The following WDR43 variants were observed in gnomAD, a reference collection of about 807,000 sequenced individuals.
WDR43 encodes the protein WD repeat domain 43.
Under a neutral mutation model 91.4 loss-of-function variants are expected in WDR43, and 13 were observed. That is an observed-to-expected ratio of 0.14 (90% confidence interval 0.09 to 0.23). The LOEUF (loss-of-function observed/expected upper bound fraction) is 0.23, where lower values mean the gene tolerates loss of function less well. Among genes scored for constraint, WDR43 ranks in the 10% least tolerant of loss-of-function variants. The probability of loss-of-function intolerance (pLI) is 1.00; values close to 1 mark genes in which losing one functional copy is unlikely to be tolerated. For synonymous variants in WDR43, 331 were observed against 287.9 expected (o/e 1.15, Z -1.51); for missense variants, 780 against 809.4 (o/e 0.96, Z 0.44).
chr2:28,898,135 A>G (rs1572577114), intron 1 of WDR43, among the ~76,000 whole-genome samples: 1 of 152,228 alleles, frequency 6.6e-6, no homozygotes, highest in African/African-American at 2.4e-5. Flanking sequence ...AAGTCTTCCG[A>G]CTTTTCTGCT....
intron 2 of WDR43, among the ~76,000 whole-genome samples, chr2:28,905,288 A>T (rs557278478): frequency 3.9e-5 from 6 of 152,244 alleles, no homozygotes; most frequent in South Asian, 2.1e-4. Flanking sequence ...TTAGCACCTC[A>T]TTCTGCTAAG....
chr2:28,945,584 A>C (rs1220147709), intron 16 of WDR43, among the ~76,000 whole-genome samples: 1 of 152,154 alleles, frequency 6.6e-6, no homozygotes, highest in Non-Finnish European at 1.5e-5. Context: ...CAGTTCCTTT[A>C]AACTGGATGT....
chr2:28,943,886 C>T (rs566661368), intron 16 of WDR43, among the ~76,000 whole-genome samples: 10 of 152,190 alleles, frequency 6.6e-5, no homozygotes, highest in African/African-American at 2.2e-4. Context: ...GGTGGGAGTA[C>T]ATGTGCATTC....
rs150841040 is a variant in WDR43, at chr2:28,902,411, T to G, written c.363+287T>G. Among the ~76,000 whole-genome samples, 924 of 152,290 alleles carry G rather than the reference T, an allele frequency of 6.1e-3. 10 individuals are homozygous for G. Among genetic ancestry groups the G allele is most frequent in the African/African-American group, 0.021 (861 of 41,564 alleles). ...ATAGATAGCAGCTGTGGAAAGCAGCTCCCCACCTCTTGACCTAGGGGAATA... is the reference window on the plus strand; with the variant it reads ...ATAGATAGCAGCTGTGGAAAGCAGCGCCCCACCTCTTGACCTAGGGGAATA... On this transcript the variant is annotated intron_variant, in intron 2 of 17. Coordinates refer to ENST00000407426, the MANE Select transcript of WDR43 (RefSeq NM_015131.3).
intron 2 of WDR43, among the ~76,000 whole-genome samples, chr2:28,902,559 G>T (rs1670597243): frequency 6.6e-6 from 1 of 152,218 alleles, no homozygotes; most frequent in Non-Finnish European, 1.5e-5. Flanking sequence ...CTGAGAAGGA[G>T]GCTCCAGCTG....
At chr2:28,928,358 C>A (rs895067275) in intron 10 of WDR43, among the ~76,000 whole-genome samples, 1 of 151,570 alleles carries the variant, frequency 6.6e-6, no homozygotes, top group Middle Eastern at 3.4e-3. Context: ...ATTTTAAATG[C>A]GTTTATTGGG....
rs1407878018 is a variant in WDR43 at position 28,927,455 on chromosome 2, TTA to T, written c.1174-110_1174-109del. On this transcript the variant is annotated intron_variant, in intron 9 of 17. Coordinates refer to ENST00000407426, the MANE Select transcript of WDR43 (RefSeq NM_015131.3). ...ATATCTTAAATTGATATCAAGTTAA[TTA>T]TATTGCATTTTTCCAATAGAGGAGC... 27 of 1,210,590 alleles carry T rather than the reference TTA, an allele frequency of 2.2e-5. No individual in the cohort carries two copies. The East Asian group carries it at 4.6e-4, about 21-fold the overall frequency. 75.0% of individuals were successfully genotyped at this position (1,210,590 alleles called of 1,614,324 possible). A position where few individuals can be genotyped will look rare whatever the true frequency, so the allele number is the denominator to read the frequency against.
chr2:28,942,052 A>AC (rs1671446892), intron 15 of WDR43, among the ~76,000 whole-genome samples: 1 of 152,162 alleles, frequency 6.6e-6, no homozygotes, highest in African/African-American at 2.4e-5. Context: ...TACAGTTAGT[A>AC]AGTTATAGGA....
chr2:28,911,771 A>G (rs1670805969), intron 3 of WDR43, among the ~76,000 whole-genome samples: 3 of 151,530 alleles, frequency 2.0e-5, no homozygotes, highest in African/African-American at 4.9e-5. Context: ...AGCTGGGACT[A>G]CTACACCATG....
rs965040165 is a variant in WDR43, at chr2:28,929,783, C to G, written c.1437+73C>G. On this transcript the variant is annotated intron_variant, in intron 11 of 17. Coordinates refer to ENST00000407426, the MANE Select transcript of WDR43 (RefSeq NM_015131.3). ...TAGAAAATGATTGACATAGCACATT[C>G]ACAGCTGTGAGCCATCATGTTACAG... The G allele has an allele frequency of 2.7e-6, 4 of 1,461,378 alleles. No individual in the cohort carries two copies. The African/African-American group carries it at 5.6e-5, about 21-fold the overall frequency. The allele number at this position is 1,461,378 out of a possible 1,614,324, so 90.5% of individuals were successfully genotyped here.
intron 11 of WDR43, among the ~76,000 whole-genome samples, chr2:28,934,290 A>G (rs912932605): frequency 1.3e-5 from 2 of 152,188 alleles, no homozygotes; most frequent in African/African-American, 4.8e-5. Context: ...GGAGGGATAC[A>G]TTTAAAGGGA....
Position 28,925,167 on chromosome 2 carries a change from A to C in WDR43, c.1086+14A>C. On this transcript the variant is annotated intron_variant, in intron 8 of 17. Transcript: ENST00000407426. The stretch of plus-strand genomic sequence containing the variant: ...ATTGAGCGAGTGGTACGTAGCTGCT[A>C]CTCTGGAGTAAAGCAATATAGCATC... 1 of 1,599,268 alleles carries C rather than the reference A, an allele frequency of 6.3e-7. No individual in the cohort carries two copies. The highest frequency in any genetic ancestry group is 1.1e-5 in the South Asian group (1 of 88,736).
intron 16 of WDR43, among the ~76,000 whole-genome samples, chr2:28,944,477 T>G (rs1671505923): frequency 6.6e-6 from 1 of 152,258 alleles, no homozygotes; most frequent in African/African-American, 2.4e-5. Flanking sequence ...ACAACATAGC[T>G]TTAAAACATA....
At chr2:28,895,028 C>A in intron 1 of WDR43, 105 bp downstream of exon 1, 1 of 1,218,082 alleles carries the variant, frequency 8.2e-7, no homozygotes, top group Non-Finnish European at 1.1e-6. Context: ...TCTCAGCGGC[C>A]CGGGCCAGAA....
intron 10 of WDR43, 29 bp from the exon 11 acceptor site, chr2:28,929,550 A>G (rs898022895): frequency 6.5e-7 from 1 of 1,531,476 alleles, no homozygotes; most frequent in African/African-American, 1.4e-5. Flanking sequence ...TTGTCTGGTA[A>G]CACATTAACA....
At chr2:28,941,818 C>T (rs1032839456) in intron 15 of WDR43, among the ~76,000 whole-genome samples, 1 of 152,064 alleles carries the variant, frequency 6.6e-6, no homozygotes, top group Non-Finnish European at 1.5e-5. Context: ...TGGTTTTGAA[C>T]TCCTAGGCTC....
chr2:28,907,254 G>A (rs983167065), intron 3 of WDR43, among the ~76,000 whole-genome samples: 1 of 152,270 alleles, frequency 6.6e-6, no homozygotes. Context: ...TCCTGCAGCT[G>A]CCAGAGAAGG....
Position 28,929,693 on chromosome 2 carries a change from G to A in WDR43, c.1420G>A (p.Asp474Asn), listed in dbSNP as rs768249711. Reference sequence around the variant, plus strand: ...TCTTACCCAGGGCTTAGAAAGTAACGATTTTGAAATGCTAAATGTAAGTAT... The same window carrying A: ...TCTTACCCAGGGCTTAGAAAGTAACAATTTTGAAATGCTAAATGTAAGTAT... ...VLLTQGLESN[D>N]FEMLNKVLQT... The change falls in exon 11 of 18, where the codon GAT becomes AAT. Residue 474 changes from aspartate (D) to asparagine (N), a missense_variant. By Grantham distance (23) the Asp-to-Asn change is conservative. Transcript: ENST00000407426. 6.2e-6 allele frequency: 10 copies of A among 1,612,574 alleles called. No homozygotes were observed. The highest frequency in any genetic ancestry group is 5.0e-5 in the Admixed American group (3 of 59,682).
At chr2:28,923,016 T>C (rs537453393) in intron 7 of WDR43, 33 bp downstream of exon 7, 52 of 1,584,500 alleles carry the variant, frequency 3.3e-5, no homozygotes, top group African/African-American at 6.7e-5. Context: ...AAGAAATTTG[T>C]TTCTTTCCCT....
Sources: gnomAD v4.1 joint callset for allele counts (sites outside exome capture counted in the v4.1 genomes callset) on GRCh38, gnomAD v4.1.1 for gene constraint, MANE v1.5 for transcripts, NCBI Gene and HGNC (gene_info 2026-07-23, HGNC 2026-07-21) for gene names.